SLIT2: variants seen among roughly 807,000 people sequenced by gnomAD.
SLIT2 encodes the protein slit homolog 2 protein.
Under a neutral mutation model 185.7 loss-of-function variants are expected in SLIT2, and 41 were observed. The ratio of observed to expected loss-of-function variants is 0.22; its 90% CI spans 0.17 to 0.29. The LOEUF (loss-of-function observed/expected upper bound fraction) is 0.29, where lower values mean the gene tolerates loss of function less well. SLIT2 is among the 10% of genes least tolerant of loss of function. SLIT2 has a pLI of 1.00. For synonymous variants in SLIT2, 693 were observed against 680.2 expected (o/e 1.02, Z -0.29); for missense variants, 1,571 against 1,909.0 (o/e 0.82, Z 3.30).
chr4:20,522,831 G>A (rs1016446395), intron 12 of SLIT2, among the ~76,000 whole-genome samples: 1 of 152,118 alleles, frequency 6.6e-6, no homozygotes, highest in Admixed American at 6.5e-5. Context: ...TGAGCTCCCA[G>A]TATGTGCTGG....
chr4:20,485,105 G>A (rs1334775865), intron 6 of SLIT2, among the ~76,000 whole-genome samples: 2 of 152,042 alleles, frequency 1.3e-5, no homozygotes, highest in Non-Finnish European at 2.9e-5. Flanking sequence ...ACCTCAATGT[G>A]TACCTTTAGT....
At chr4:20,548,114 G>T (rs575824115) in intron 22 of SLIT2, among the ~76,000 whole-genome samples, 17 of 152,086 alleles carry the variant, frequency 1.1e-4, no homozygotes, top group African/African-American at 3.9e-4. Context: ...TTTGTCTATC[G>T]CAAGTCACCT....
chr4:20,420,601 C>G (rs1041276311), intron 4 of SLIT2, among the ~76,000 whole-genome samples: 2 of 149,564 alleles, frequency 1.3e-5, no homozygotes, highest in Non-Finnish European at 3.0e-5. Context: ...AACTAAGACA[C>G]AGAGAATAAG....
chr4:20,292,526 AAGG>A, intron 4 of SLIT2, among the ~76,000 whole-genome samples: 1 of 152,236 alleles, frequency 6.6e-6, no homozygotes, highest in South Asian at 2.1e-4. Flanking sequence ...TGAGACGGAG[AAGG>A]AGAAGAAGGA....
At chr4:20,618,297 CT>C (rs1729838292) in intron 36 of SLIT2, among the ~76,000 whole-genome samples, 1 of 152,164 alleles carries the variant, frequency 6.6e-6, no homozygotes, top group South Asian at 2.1e-4. Flanking sequence ...GCAGATGTCT[CT>C]TTTTTGAACT....
At chr4:20,616,800 A>T (rs1560244059) in intron 34 of SLIT2, 110 bp from the exon 35 acceptor site, 6 of 1,217,112 alleles carry the variant, frequency 4.9e-6, no homozygotes. Context: ...CTGCCCAAAT[A>T]TCCTGCCATA....
chr4:20,567,914 A>G (rs1446173181), intron 28 of SLIT2, among the ~76,000 whole-genome samples: 1 of 152,110 alleles, frequency 6.6e-6, no homozygotes, highest in African/African-American at 2.4e-5. Flanking sequence ...GCTCCATTAT[A>G]CTAATTAATA....
intron 4 of SLIT2, among the ~76,000 whole-genome samples, chr4:20,309,763 T>C (rs913681941): frequency 2.1e-5 from 3 of 145,220 alleles, no homozygotes; most frequent in Non-Finnish European, 4.5e-5. Flanking sequence ...TCTTTCTTTT[T>C]TTTTTTTTTT....
chr4:20,362,352 C>T (rs1258365810), intron 4 of SLIT2, among the ~76,000 whole-genome samples: 1 of 152,026 alleles, frequency 6.6e-6, no homozygotes, highest in African/African-American at 2.4e-5. Flanking sequence ...CTCAAGGGAA[C>T]CTGACAAGGA....
At chr4:20,562,840 C>T (rs1377100573) in intron 26 of SLIT2, among the ~76,000 whole-genome samples, 1 of 151,712 alleles carries the variant, frequency 6.6e-6, no homozygotes, top group Admixed American at 6.6e-5. Flanking sequence ...CTTTGATGTA[C>T]CTCTGGCTTG....
At chr4:20,313,810 T>G (rs973194599) in intron 4 of SLIT2, among the ~76,000 whole-genome samples, 6 of 152,096 alleles carry the variant, frequency 3.9e-5, no homozygotes, top group Non-Finnish European at 7.4e-5. Flanking sequence ...CGGCTGCTGA[T>G]CTGAACACGA....
chr4:20,525,600 A>G (rs1240561212), intron 15 of SLIT2, among the ~76,000 whole-genome samples: 2 of 152,170 alleles, frequency 1.3e-5, no homozygotes, highest in East Asian at 1.9e-4. Context: ...AGTTACACAC[A>G]GAATTTCATT....
At chr4:20,312,601 A>G (rs1470849676) in intron 4 of SLIT2, among the ~76,000 whole-genome samples, 4 of 151,732 alleles carry the variant, frequency 2.6e-5, no homozygotes, top group African/African-American at 4.8e-5. Context: ...GTGAAACCCC[A>G]TATCTACTAA....
At chr4:20,381,927 A>G (rs914757916) in intron 4 of SLIT2, among the ~76,000 whole-genome samples, 2 of 151,970 alleles carry the variant, frequency 1.3e-5, no homozygotes, top group Non-Finnish European at 2.9e-5. Context: ...ATAAATACAT[A>G]TGTATTTATG....
At chr4:20,373,770 CA>C (rs1723786090) in intron 4 of SLIT2, among the ~76,000 whole-genome samples, 1 of 151,940 alleles carries the variant, frequency 6.6e-6, no homozygotes, top group Non-Finnish European at 1.5e-5. Flanking sequence ...CTGGTAGAAA[CA>C]TACAATTCAA....
chr4:20,263,542 G>C (rs1325354669), intron 3 of SLIT2, among the ~76,000 whole-genome samples: 2 of 151,688 alleles, frequency 1.3e-5, no homozygotes, highest in African/African-American at 4.8e-5. Context: ...GGAATACCAG[G>C]CAAATACACA....
At chr4:20,287,747 G>A (rs1715398963) in intron 4 of SLIT2, among the ~76,000 whole-genome samples, 1 of 152,110 alleles carries the variant, frequency 6.6e-6, no homozygotes, top group Non-Finnish European at 1.5e-5. Context: ...TAGAATTCAA[G>A]CTACTGGTGG....
intron 4 of SLIT2, among the ~76,000 whole-genome samples, chr4:20,397,045 C>T (rs550831759): frequency 7.9e-4 from 120 of 151,444 alleles, no homozygotes; most frequent in African/African-American, 2.7e-3. Context: ...TTTGTTAAAA[C>T]TTAAAAGGCC....
chr4:20,437,137 G>A (rs1317615151), intron 4 of SLIT2, among the ~76,000 whole-genome samples: 1 of 151,948 alleles, frequency 6.6e-6, no homozygotes, highest in Non-Finnish European at 1.5e-5. Flanking sequence ...CTTTAGTCAG[G>A]ACCTGCTCTC....
Sources: allele counts gnomAD v4.1 joint callset (sites outside exome capture counted in the v4.1 genomes callset), GRCh38; gene constraint gnomAD v4.1.1; transcripts MANE v1.5; gene names NCBI Gene and HGNC (gene_info 2026-07-23, HGNC 2026-07-21).